The following PKD1L1 variants were observed in gnomAD, a reference collection of about 807,000 sequenced individuals.
PKD1L1 encodes the protein polycystin-1-like protein 1.
Under a neutral mutation model 323.4 loss-of-function variants are expected in PKD1L1, and 236 were observed. The observed-to-expected ratio is 0.73, with a 90% CI of 0.66 to 0.81. The LOEUF (loss-of-function observed/expected upper bound fraction) is 0.81. PKD1L1 is among the 40% of genes least tolerant of loss of function. The probability of loss-of-function intolerance (pLI) is 0.00; values close to 1 mark genes in which losing one functional copy is unlikely to be tolerated. For synonymous variants in PKD1L1, 1,344 were observed against 1,335.0 expected (o/e 1.01, Z -0.15); for missense variants, 3,320 against 3,508.0 (o/e 0.95, Z 1.35).
rs1457710346 is a variant in PKD1L1, at chr7:47,931,108, T to C, written c.733A>G (p.Arg245Gly). ...WPISHFPTSP[R>G]SSHGLPPGIP... ...TCCATACCTCCTTCACCGTACCTTC[T>C]GGGAGAAGTGGGAAAATGTGAAATC... The change falls in exon 6 of 57, where the codon AGA becomes GGA. Residue 245 changes from arginine (R) to glycine (G), a missense_variant. Transcript: ENST00000289672. The C allele has an allele frequency of 5.6e-6, 9 of 1,613,662 alleles. No individual in the cohort carries two copies. Among genetic ancestry groups the C allele is most frequent in the African/African-American group, 5.3e-5 (4 of 74,934 alleles).
At chr7:47,918,827 T>C (rs181165431) in intron 7 of PKD1L1, among the ~76,000 whole-genome samples, 4 of 152,156 alleles carry the variant, frequency 2.6e-5, no homozygotes, top group East Asian at 3.9e-4. Flanking sequence ...TGAACCACAA[T>C]AGTGACACAA....
chr7:47,931,048 G>A (rs1787759315), intron 6 of PKD1L1, 56 bp downstream of exon 6: 12 of 1,544,262 alleles, frequency 7.8e-6, no homozygotes, highest in Middle Eastern at 2.2e-4. Flanking sequence ...GGCATGGATG[G>A]TTCCAGACTG....
chr7:47,776,373 T>A (rs1372563122), intron 56 of PKD1L1, among the ~76,000 whole-genome samples: 1 of 152,152 alleles, frequency 6.6e-6, no homozygotes, highest in East Asian at 1.9e-4. Context: ...ACAAGAACAG[T>A]AACAAAAAAA....
Position 47,839,913 on chromosome 7 carries a change from C to T in PKD1L1, c.5553-251G>A, listed in dbSNP as rs905482849. Among the ~76,000 whole-genome samples, 3 of 152,228 alleles carry T rather than the reference C, an allele frequency of 2.0e-5. No homozygotes were observed. Among genetic ancestry groups the T allele is most frequent in the Non-Finnish European group, 2.9e-5 (2 of 68,040 alleles). ...CACCAGCTTTCCCAAACCAAAGTTACACAAATCTCGTTCATGTATTTGTCT... is the reference window on the plus strand; with the variant it reads ...CACCAGCTTTCCCAAACCAAAGTTATACAAATCTCGTTCATGTATTTGTCT... On this transcript the variant is annotated intron_variant, in intron 35 of 56. Transcript: ENST00000289672. The surrounding 1 kb of genome is among the most constrained non-coding windows in gnomAD (Gnocchi z 4.3).
Position 47,846,896 on chromosome 7 carries a change from A to C in PKD1L1, c.5136T>G (p.Pro1712=). 2 of 1,601,380 alleles carry C rather than the reference A, an allele frequency of 1.2e-6. No individual in the cohort carries two copies. Among genetic ancestry groups the C allele is most frequent in the Non-Finnish European group, 1.7e-6 (2 of 1,176,868 alleles). The change falls in exon 32 of 57, where the codon CCT becomes CCG. Residue 1712 remains proline, a synonymous_variant. Coordinates refer to ENST00000289672, the MANE Select transcript of PKD1L1 (RefSeq NM_138295.5). ...ERFSPQPGTS[P]EKVNCSYHRL... The stretch of plus-strand genomic sequence containing the variant: ...GTCTATACCTGCAGTTCACTTTTTC[A>C]GGAGAAGTCCCTGGTTGTGGAGAGA...
intron 41 of PKD1L1, 96 bp downstream of exon 41, chr7:47,832,994 T>C (rs1260886657): frequency 6.9e-7 from 1 of 1,444,580 alleles, no homozygotes. Flanking sequence ...TCAGTGACAT[T>C]TGGCCCAATT....
Position 47,803,336 on chromosome 7 carries a change from T to G in PKD1L1, c.7836A>C (p.Arg2612=). The change falls in exon 53 of 57, where the codon CGA becomes CGC. Residue 2612 remains arginine (R), a synonymous_variant. Transcript: ENST00000289672. ...TLMASWNQRA[R]WLRGILLFLF... is the part of the protein sequence containing the mutation. Reference sequence around the variant, plus strand: ...GGAATAAGAGGATTCCCCGGAGCCATCGAGCCCTCTGAGACAGAAGAACAT... The same window carrying G: ...GGAATAAGAGGATTCCCCGGAGCCAGCGAGCCCTCTGAGACAGAAGAACAT... 6.2e-7 allele frequency: 1 copy of G among 1,613,768 alleles called. No homozygotes were observed. The highest frequency in any genetic ancestry group is 8.5e-7 in the Non-Finnish European group (1 of 1,179,956).
Position 47,830,140 on chromosome 7 carries a change from G to T in PKD1L1, c.6474-16C>A, listed in dbSNP as rs369266773. 1 of 1,611,918 alleles carries T rather than the reference G, an allele frequency of 6.2e-7. No individual in the cohort carries two copies. Among genetic ancestry groups the T allele is most frequent in the South Asian group, 1.1e-5 (1 of 90,934 alleles). On this transcript the variant is annotated splice_polypyrimidine_tract_variant and intron_variant, in intron 42 of 56. Transcript: ENST00000289672. ...CTGGCCAAACCTGCCCCCAGGGAAAGTGCAGTGGTCAGCCCCCTCTAAGGG... is the reference window on the plus strand; with the variant it reads ...CTGGCCAAACCTGCCCCCAGGGAAATTGCAGTGGTCAGCCCCCTCTAAGGG...
chr7:47,934,418 C>A (rs1787828374), intron 4 of PKD1L1, among the ~76,000 whole-genome samples: 4 of 152,184 alleles, frequency 2.6e-5, no homozygotes, highest in African/African-American at 7.2e-5. Context: ...CAGGTACTTC[C>A]AACGGCATGT....
At chr7:47,788,573 A>AT (rs1786864304) in intron 56 of PKD1L1, among the ~76,000 whole-genome samples, 1 of 101,638 alleles carries the variant, frequency 9.8e-6, no homozygotes, top group African/African-American at 4.0e-5. Context: ...ATATATATAT[A>AT]TATATTTTTT....
rs760251500 is a variant in PKD1L1, at chr7:47,827,341, G to T, written c.6854+9C>A. The T allele has an allele frequency of 6.3e-7, 1 of 1,599,000 alleles. No homozygotes were observed. Among genetic ancestry groups the T allele is most frequent in the South Asian group, 1.1e-5 (1 of 88,956 alleles). On this transcript the variant is annotated intron_variant, in intron 45 of 56. Coordinates refer to ENST00000289672, the MANE Select transcript of PKD1L1 (RefSeq NM_138295.5). ...GGAGCAAGCCCTCCCGACAGAAGCC[G>T]CCACCCACCTCAGGGCAGCCCGTGT...
At chr7:47,830,654 G>C (rs528699866) in intron 42 of PKD1L1, among the ~76,000 whole-genome samples, 1 of 152,332 alleles carries the variant, frequency 6.6e-6, no homozygotes, top group East Asian at 1.9e-4. Flanking sequence ...CAGTTGAGGA[G>C]AGGGGAGAGA....
chr7:47,862,868 G>A (rs561751862), intron 26 of PKD1L1, among the ~76,000 whole-genome samples: 8 of 152,142 alleles, frequency 5.3e-5, no homozygotes, highest in South Asian at 2.1e-4. Flanking sequence ...TATTCCACAC[G>A]CAAGGAGAAG....
chr7:47,956,646 A>G, the PKD1L1 span: 11 of 152,266 alleles, frequency 7.2e-5, no homozygotes, highest in African/African-American at 2.7e-4. Context: ...ATATCAATGT[A>G]TAACTACAAA....
intron 42 of PKD1L1, 62 bp from the exon 43 acceptor site, chr7:47,830,186 T>C: frequency 1.4e-6 from 2 of 1,403,814 alleles, no homozygotes; most frequent in South Asian, 1.2e-5. Context: ...CCAGCAGTCA[T>C]TGCTGCCTAA....
chr7:47,789,870 T>G (rs896245347), intron 56 of PKD1L1, among the ~76,000 whole-genome samples: 1 of 152,186 alleles, frequency 6.6e-6, no homozygotes, highest in Non-Finnish European at 1.5e-5. Context: ...CTCCTCTGTA[T>G]AAATCCTCTA....
intron 4 of PKD1L1, among the ~76,000 whole-genome samples, chr7:47,935,586 G>A (rs933904778): frequency 2.6e-5 from 4 of 152,200 alleles, no homozygotes; most frequent in Non-Finnish European, 5.9e-5. Context: ...GGTGTGCAGC[G>A]TGGCCTGCCC....
In PKD1L1 at chr7:47,929,447, G is replaced by A; in HGVS notation, c.817C>T (p.Pro273Ser). Residue 273 changes from proline to serine, a missense_variant, in exon 7 of 57, where the codon CCT becomes TCT. By Grantham distance (74) the Pro-to-Ser change is moderately conservative. Transcript: ENST00000289672. ...SQSGSEILYP[P>S]TQHPPVAILA... ...ATGGCCACAGGAGGATGCTGAGTAG[G>A]GGGATAGAGGATCTCAGAACCAGAC... is the stretch of plus-strand genomic sequence containing the variant. 1 of 1,614,102 alleles carries A rather than the reference G, an allele frequency of 6.2e-7. No homozygotes were observed. Among genetic ancestry groups the A allele is most frequent in the African/African-American group, 1.3e-5 (1 of 75,050 alleles).
chr7:47,814,066 C>T (rs1784963827), intron 47 of PKD1L1, 52 bp from the exon 48 acceptor site: 1 of 1,498,662 alleles, frequency 6.7e-7, no homozygotes, highest in Non-Finnish European at 9.2e-7. Flanking sequence ...GACTTCAAAC[C>T]TCCTCATCAA....
Sources: allele counts gnomAD v4.1 joint callset (sites outside exome capture counted in the v4.1 genomes callset), GRCh38; gene constraint gnomAD v4.1.1; non-coding constraint Gnocchi (gnomAD v3.1); transcripts MANE v1.5; gene names NCBI Gene and HGNC (gene_info 2026-07-23, HGNC 2026-07-21).